The following ACSM2A variants were observed in gnomAD, a reference collection of about 807,000 sequenced individuals.
The protein encoded by ACSM2A is acyl-coenzyme A synthetase ACSM2A, mitochondrial.
In ACSM2A, 72 loss-of-function variants were observed where a neutral mutation model predicts 76.6. The observed-to-expected ratio is 0.94, with a 90% CI of 0.78 to 1.14. The LOEUF is 1.14. Ranked by LOEUF, ACSM2A falls within the 50% of genes most tolerant of loss-of-function variation. The pLI, the probability that ACSM2A is intolerant of heterozygous loss-of-function variation, is 0.00. For missense variants in ACSM2A, 684 were observed against 708.5 expected (o/e 0.97, Z 0.39); for synonymous variants, 249 against 255.9 (o/e 0.97, Z 0.26).
At position 20,471,534 on chromosome 16, in the gene ACSM2A, A is replaced by G. The variant is rs1199940986; in HGVS notation, c.741-2A>G. On this transcript the variant is annotated splice_acceptor_variant, in intron 5 of 13. Transcript: ENST00000573854. LOFTEE classifies it high-confidence loss of function. ...GTACATGTGTTTTGTCTGTGTTTTC[A>G]GTTGGACAGGCCTGCAAGCCTCTGA... 2 of 1,609,192 alleles carry G rather than the reference A, an allele frequency of 1.2e-6. No individual in the cohort carries two copies. The highest frequency in any genetic ancestry group is 1.7e-6 in the Non-Finnish European group (2 of 1,177,640).
At position 20,460,128 on chromosome 16, in the gene ACSM2A, G is replaced by A. The variant is rs59292608; in HGVS notation, c.14G>A (p.Arg5Gln). 0.15 allele frequency: 248,482 copies of A among 1,610,376 alleles called. 21,689 individuals carry two copies. The highest frequency in any genetic ancestry group is 0.39 in the East Asian group (17,678 of 44,770). The change falls in exon 2 of 14, where the codon CGA becomes CAA. Residue 5 changes from arginine to glutamine, a missense_variant. Around this residue, in one of 3 missense-constraint regions of ACSM2A, gnomAD observed 519 missense variants for 549.5 expected, o/e 0.94. Coordinates refer to ENST00000573854, the MANE Select transcript of ACSM2A (RefSeq NM_001308172.2). Reference protein sequence around the residue: MHWLRKVQGLCTLWG... With the variant: MHWLQKVQGLCTLWG... ...ACAGGCCTGAATATGCATTGGCTGC[G>A]AAAAGTTCAGGGACTTTGCACCCTG...
intron 9 of ACSM2A, among the ~76,000 whole-genome samples, chr16:20,477,797 T>A (rs1221140527): frequency 6.6e-6 from 1 of 152,244 alleles, no homozygotes; most frequent in African/African-American, 2.4e-5. Context: ...AAGGATCTTT[T>A]CAGTTCAATT....
Position 20,475,634 on chromosome 16 carries a change from T to C in ACSM2A, c.975-16T>C. On this transcript the variant is annotated splice_polypyrimidine_tract_variant and intron_variant, in intron 7 of 13. Coordinates refer to ENST00000573854, the MANE Select transcript of ACSM2A (RefSeq NM_001308172.2). ...TCCAGGGAGGCTGAGGGCAAACATTTATTTCTCTTCTTCAGTTACAAGTTC... is the reference window on the plus strand; with the variant it reads ...TCCAGGGAGGCTGAGGGCAAACATTCATTTCTCTTCTTCAGTTACAAGTTC... The C allele has an allele frequency of 1.2e-6, 2 of 1,613,908 alleles. No homozygotes were observed. The highest frequency in any genetic ancestry group is 1.7e-6 in the Non-Finnish European group (2 of 1,179,850).
At chr16:20,468,587 T>C (rs2013158977) in intron 3 of ACSM2A, among the ~76,000 whole-genome samples, 1 of 152,214 alleles carries the variant, frequency 6.6e-6, no homozygotes, top group South Asian at 2.1e-4. Context: ...CTTGAACTCT[T>C]GACCTCTAAT....
chr16:20,453,498 A>G (rs2011917000), intron 1 of ACSM2A: 1 of 145,218 alleles, frequency 6.9e-6, no homozygotes, highest in Non-Finnish European at 1.5e-5. Context: ...TAAGCTCAGA[A>G]TGTAATTCAC....
In ACSM2A at chr16:20,475,378, C is replaced by T. The variant is rs767893685; in HGVS notation, c.911C>T (p.Pro304Leu). 6.2e-7 allele frequency: 1 copy of T among 1,613,784 alleles called. No homozygotes were observed. The highest frequency in any genetic ancestry group is 8.5e-7 in the Non-Finnish European group (1 of 1,179,732). ...GTCTTCCAGACACTCTCCAGTTATC[C>T]AATCAAGAGTATGATGGGTGCCCCC... ...LVILKTLSSY[P>L]IKSMMGAPIV... The change falls in exon 7 of 14, where the codon CCA (proline) becomes CTA (leucine). Residue 304 changes from proline (P) to leucine (L), a missense_variant. Pro to Leu is a moderately conservative substitution (Grantham distance 98, BLOSUM62 -3). Around this residue, in one of 3 missense-constraint regions of ACSM2A, gnomAD observed 519 missense variants for 549.5 expected, o/e 0.94. Coordinates refer to ENST00000573854, the MANE Select transcript of ACSM2A (RefSeq NM_001308172.2).
intron 13 of ACSM2A, among the ~76,000 whole-genome samples, chr16:20,483,989 T>A (rs957248618): frequency 6.6e-6 from 1 of 151,352 alleles, no homozygotes; most frequent in African/African-American, 2.4e-5. Context: ...CTCTATCAGC[T>A]CCAAACATAT....
At chr16:20,469,470 A>G (rs2013232986) in intron 3 of ACSM2A, 42 bp from the exon 4 acceptor site, 1 of 1,609,796 alleles carries the variant, frequency 6.2e-7, no homozygotes. Context: ...AGGGACAAAG[A>G]AAATCATCCT....
intron 2 of ACSM2A, among the ~76,000 whole-genome samples, chr16:20,464,963 A>T (rs528064292): frequency 1.3e-4 from 20 of 151,474 alleles, no homozygotes; most frequent in South Asian, 4.3e-4. Context: ...CTACAAAATT[A>T]AAAAAAGTAA....
chr16:20,470,983 C>T (rs760073440), intron 4 of ACSM2A, 90 bp from the exon 5 acceptor site: 1 of 1,563,856 alleles, frequency 6.4e-7, no homozygotes, highest in Non-Finnish European at 8.7e-7. Context: ...TTGCCCTTTT[C>T]AGCACAGTGG....
At chr16:20,470,878 G>C (rs980081440) in intron 4 of ACSM2A, 195 bp from the exon 5 acceptor site, 13 of 819,082 alleles carry the variant, frequency 1.6e-5, no homozygotes, top group African/African-American at 1.4e-4. Flanking sequence ...AACAAAGTGT[G>C]AAACTTCAGT....
chr16:20,471,121 A>G lies in ACSM2A; in HGVS notation c.645A>G (p.Ala215=). The G allele has an allele frequency of 1.2e-6, 2 of 1,613,744 alleles. No individual in the cohort carries two copies. Among genetic ancestry groups the G allele is most frequent in the East Asian group, 4.5e-5 (2 of 44,864 alleles). Reference sequence around the variant, plus strand: ...GTGTGGAGACTGGAAGCCAGGAAGCATCTGCCATCTACTTCACTAGTGGGA... The same window carrying G: ...GTGTGGAGACTGGAAGCCAGGAAGCGTCTGCCATCTACTTCACTAGTGGGA... ...HHCVETGSQE[A]SAIYFTSGTS... Residue 215 remains alanine, a synonymous_variant, in exon 5 of 14, where the codon GCA becomes GCG. Transcript: ENST00000573854.
At position 20,480,855 on chromosome 16, in the gene ACSM2A, A is replaced by T; in HGVS notation, c.1443A>T (p.Ala481=). Residue 481 remains alanine (A), a synonymous_variant, in exon 12 of 14, where the codon GCA becomes GCT. Coordinates refer to ENST00000573854, the MANE Select transcript of ACSM2A (RefSeq NM_001308172.2). ...YRIGPSEVEN[A]LMEHPAVVET... The stretch of plus-strand genomic sequence containing the variant: ...TTGGACCCTCGGAGGTAGAGAATGC[A>T]CTGATGGAGCACCCTGCTGTGGTTG... The T allele has an allele frequency of 6.2e-7, 1 of 1,613,914 alleles. No homozygotes were observed. Among genetic ancestry groups the T allele is most frequent in the Non-Finnish European group, 8.5e-7 (1 of 1,179,856 alleles).
At chr16:20,453,796 T>A (rs71384460) in intron 1 of ACSM2A, 3 of 97,638 alleles carry the variant, frequency 3.1e-5, no homozygotes, top group African/African-American at 1.4e-4. Context: ...ATAGATGGCC[T>A]CTCTGGGAGT....
At chr16:20,456,436 A>C (rs1310714392) in intron 1 of ACSM2A, among the ~76,000 whole-genome samples, 4 of 148,522 alleles carry the variant, frequency 2.7e-5, no homozygotes, top group Non-Finnish European at 1.5e-5. Context: ...AGAAAAGTGA[A>C]ATTATATCAA....
Position 20,476,725 on chromosome 16 carries a change from C to G in ACSM2A, c.1099-644C>G, listed in dbSNP as rs368536025. 25 of 1,015,408 alleles carry G rather than the reference C, an allele frequency of 2.5e-5. No homozygotes were observed. In the East Asian group the frequency reaches 1.4e-3, roughly 57 times the overall value. The allele number at this position is 1,015,408 out of a possible 1,614,324, so 62.9% of individuals were successfully genotyped here. On this transcript the variant is annotated intron_variant, in intron 8 of 13. Coordinates refer to ENST00000573854, the MANE Select transcript of ACSM2A (RefSeq NM_001308172.2). ...GGGAAAAGATGGGTCATTGTGATAT[C>G]TTTTGTCCAGGCTAGATCTGAGAAA...
At position 20,469,671 on chromosome 16, in the gene ACSM2A, T is replaced by G; in HGVS notation, c.548T>G (p.Val183Gly). Residue 183 changes from valine to glycine, a missense_variant, in exon 4 of 14, where the codon GTG (valine) becomes GGG (glycine). Around this residue, in one of 3 missense-constraint regions of ACSM2A, gnomAD observed 519 missense variants for 549.5 expected, o/e 0.94. Coordinates refer to ENST00000573854, the MANE Select transcript of ACSM2A (RefSeq NM_001308172.2). ...CCTTCTCTGAGAATTAAGCTACTGG[T>G]GTCTGAGAAAAGCTGTGATGGGTGG... ...ECPSLRIKLL[V>G]SEKSCDGWLN... 1 of 1,613,844 alleles carries G rather than the reference T, an allele frequency of 6.2e-7. No individual in the cohort carries two copies. Among genetic ancestry groups the G allele is most frequent in the Non-Finnish European group, 8.5e-7 (1 of 1,179,812 alleles).
intron 1 of ACSM2A, chr16:20,453,347 A>G (rs2011906545): frequency 6.6e-6 from 1 of 151,660 alleles, no homozygotes; most frequent in Non-Finnish European, 1.5e-5. Context: ...TAATACTTTT[A>G]TAATTTCTTA....
intron 6 of ACSM2A, chr16:20,473,936 C>T: frequency 2.6e-6 from 1 of 389,292 alleles, no homozygotes; most frequent in South Asian, 2.0e-5. Flanking sequence ...TTAACTAAGG[C>T]ATTCCTTTCT....
Sources: allele counts gnomAD v4.1 joint callset (sites outside exome capture counted in the v4.1 genomes callset), GRCh38; gene constraint gnomAD v4.1.1; regional missense constraint gnomAD v4.1.1; transcripts MANE v1.5; gene names NCBI Gene and HGNC (gene_info 2026-07-23, HGNC 2026-07-21).